The following PRDM7 variants were observed in gnomAD, a reference collection of about 807,000 sequenced individuals.
PRDM7 encodes PR/SET domain 7, also known as histone-lysine N-methyltransferase PRDM7.
A neutral mutation model predicts 64.3 loss-of-function variants in PRDM7; 52 were observed. The ratio of observed to expected loss-of-function variants is 0.81; its 90% CI spans 0.65 to 1.02. The LOEUF (loss-of-function observed/expected upper bound fraction) is 1.02, where lower values mean the gene tolerates loss of function less well. Among genes scored for constraint, PRDM7 ranks in the 50% least tolerant of loss-of-function variants. PRDM7 has a pLI of 0.00. For missense variants in PRDM7, 574 were observed against 597.1 expected (o/e 0.96, Z 0.40); for synonymous variants, 192 against 210.1 (o/e 0.91, Z 0.74).
rs912565642 is a variant in PRDM7 at position 90,056,920 on chromosome 16, C to G, written c.*1369G>C. 5 of 152,254 alleles carry G rather than the reference C, an allele frequency of 3.3e-5. No homozygotes were observed. The highest frequency in any genetic ancestry group is 7.3e-5 in the Non-Finnish European group (5 of 68,078). 9.4% of individuals were successfully genotyped at this position (152,254 alleles called of 1,614,324 possible). A position where few individuals can be genotyped will look rare whatever the true frequency, so the allele number is the denominator to read the frequency against. On this transcript the variant is annotated 3_prime_UTR_variant, in exon 11 of 11. Coordinates refer to ENST00000449207, the MANE Select transcript of PRDM7 (RefSeq NM_001098173.2). ...GGTTTCAGGTCTGGTTCCTAGGCGC[C>G]AGGCTACCTGCCTTTAGTTTTGCTT...
At chr16:90,063,556 C>T in intron 6 of PRDM7, 56 bp downstream of exon 6, 14 of 1,593,640 alleles carry the variant, frequency 8.8e-6, no homozygotes, top group South Asian at 1.1e-5. Context: ...AGACCATACT[C>T]ACCAACCTTT....
Position 90,063,726 on chromosome 16 carries a change from C to T in PRDM7, c.394G>A (p.Glu132Lys). 1 of 1,614,236 alleles carries T rather than the reference C, an allele frequency of 6.2e-7. No homozygotes were observed. Among genetic ancestry groups the T allele is most frequent in the Non-Finnish European group, 8.5e-7 (1 of 1,180,040 alleles). ...ASFNNESSLR[E>K]LSGTPNLLNT... Reference sequence around the variant, plus strand: ...AGTAAATTTGGCGTTCCTGACAATTCTCTCAAACTAGATTCATTATTGAAT... The same window carrying T: ...AGTAAATTTGGCGTTCCTGACAATTTTCTCAAACTAGATTCATTATTGAAT... The change falls in exon 6 of 11, where the codon GAA (glutamate) becomes AAA (lysine). Residue 132 changes from glutamate to lysine, a missense_variant. Physicochemically the swap from Glu to Lys is moderately conservative, Grantham distance 56. Transcript: ENST00000449207.
intron 6 of PRDM7, 70 bp downstream of exon 6, chr16:90,063,542 A>G (rs1237932324): frequency 1.3e-6 from 2 of 1,554,122 alleles, no homozygotes; most frequent in African/African-American, 2.7e-5. Flanking sequence ...CACCCCACAT[A>G]GGTAGACCAT....
intron 8 of PRDM7, 26 bp downstream of exon 8, chr16:90,061,895 C>T (rs775368928): frequency 1.2e-6 from 2 of 1,614,114 alleles, no homozygotes; most frequent in Non-Finnish European, 1.7e-6. Context: ...GAAGACAGAA[C>T]AGGGGAAACA....
rs537705565 is a variant in PRDM7 at position 90,057,367 on chromosome 16, C to G, written c.*922G>C. The G allele has an allele frequency of 6.4e-6, 1 of 156,184 alleles. No homozygotes were observed. Among genetic ancestry groups the G allele is most frequent in the East Asian group, 1.9e-4 (1 of 5,274 alleles). The allele number at this position is 156,184 out of a possible 1,614,324, so 9.7% of individuals were successfully genotyped here. On this transcript the variant is annotated 3_prime_UTR_variant, in exon 11 of 11. Coordinates refer to ENST00000449207, the MANE Select transcript of PRDM7 (RefSeq NM_001098173.2). ...CATTTCTCTTCCTGGACTTGGGAAT[C>G]GATTCTCCAATAATTAAACCAGATG...
At chr16:90,068,988 A>G (rs1217676817) in intron 4 of PRDM7, among the ~76,000 whole-genome samples, 1 of 151,320 alleles carries the variant, frequency 6.6e-6, no homozygotes, top group Non-Finnish European at 1.5e-5. Context: ...CAATGCTATT[A>G]TTTTCAGAAA....
intron 8 of PRDM7, 51 bp from the exon 9 acceptor site, chr16:90,061,570 G>T (rs1597683290): frequency 1.3e-6 from 2 of 1,537,166 alleles, no homozygotes; most frequent in Non-Finnish European, 1.8e-6. Context: ...AAAATCCGAA[G>T]AATTATTTTA....
chr16:90,064,623 A>G (rs1334054173), intron 5 of PRDM7, among the ~76,000 whole-genome samples: 1 of 143,674 alleles, frequency 7.0e-6, no homozygotes, highest in Non-Finnish European at 1.5e-5. Flanking sequence ...TAGTTTGGCC[A>G]GGCTGGTCTA....
rs2037710541 is a variant in PRDM7, at chr16:90,058,093, C to T, written c.*196G>A. On this transcript the variant is annotated 3_prime_UTR_variant, in exon 11 of 11. Coordinates refer to ENST00000449207, the MANE Select transcript of PRDM7 (RefSeq NM_001098173.2). ...TGACTTATCACTGAAACCTTGCCCA[C>T]ACTCTCCATATTTGACTTTCGCAAT... 1.2e-6 allele frequency: 2 copies of T among 1,613,956 alleles called. No individual in the cohort carries two copies. The highest frequency in any genetic ancestry group is 2.7e-5 in the African/African-American group (2 of 75,052).
chr16:90,075,384 C>T lies in PRDM7; in HGVS notation c.160G>A (p.Val54Met). ...GDWEKTRYRN[V>M]KMNYNALITV... ...ATCAGTGCATTATAGTTCATTTTCA[C>T]ATTCCTATAGCGAGTTTTCTCCCAG... Residue 54 changes from valine (V) to methionine (M), a missense_variant, in exon 3 of 11, where the codon GTG becomes ATG. Transcript: ENST00000449207. This position sits in a 1 kb window ranked among gnomAD's most constrained non-coding sequence, Gnocchi z 4.3. 1 of 1,614,242 alleles carries T rather than the reference C, an allele frequency of 6.2e-7. No homozygotes were observed. Among genetic ancestry groups the T allele is most frequent in the Non-Finnish European group, 8.5e-7 (1 of 1,180,048 alleles).
At chr16:90,063,261 C>T (rs533083957) in intron 6 of PRDM7, among the ~76,000 whole-genome samples, 5 of 152,258 alleles carry the variant, frequency 3.3e-5, no homozygotes, top group South Asian at 2.1e-4. Context: ...GCCTGGTCAA[C>T]ATGGTGAAAC....
rs2038031753 is a variant in PRDM7 at position 90,075,993 on chromosome 16, C to T, written c.-83G>A. ...AGTCTCCCAGCTCCTAGGCCAAAGG[C>T]TCCTGTGGAAGGAGAAGGTGCTGAG... On this transcript the variant is annotated splice_region_variant and 5_prime_UTR_variant, in exon 2 of 11. Coordinates refer to ENST00000449207, the MANE Select transcript of PRDM7 (RefSeq NM_001098173.2). The surrounding 1 kb of genome is among the most constrained non-coding windows in gnomAD (Gnocchi z 4.3). 1 of 1,484,016 alleles carries T rather than the reference C, an allele frequency of 6.7e-7. No individual in the cohort carries two copies. Among genetic ancestry groups the T allele is most frequent in the South Asian group, 1.2e-5 (1 of 83,942 alleles). 91.9% of individuals were successfully genotyped at this position (1,484,016 alleles called of 1,614,324 possible). A position where few individuals can be genotyped will look rare whatever the true frequency, so the allele number is the denominator to read the frequency against.
At chr16:90,073,386 T>TA (rs1430992943) in intron 4 of PRDM7, among the ~76,000 whole-genome samples, 3 of 151,916 alleles carry the variant, frequency 2.0e-5, no homozygotes, top group African/African-American at 4.8e-5. Context: ...TTCTTTTTTT[T>TA]AAAAAAAGAA....
rs750995400 is a variant in PRDM7, at chr16:90,060,385, A to C, written c.1189T>G (p.Ser397Ala). ...TTTCTTCCACTTGCTGCCCCACTTG[A>C]TGCCCAGTTCCTGGCCATACTCATC... ...MGMSMARNWA[S>A]SGAASGRKSS... is the part of the protein sequence containing the mutation. Residue 397 changes from serine (S) to alanine (A), a missense_variant, in exon 10 of 11, where the codon TCA (serine) becomes GCA (alanine). Ser to Ala is a moderately conservative substitution (Grantham distance 99, BLOSUM62 1). Coordinates refer to ENST00000449207, the MANE Select transcript of PRDM7 (RefSeq NM_001098173.2). 6.2e-7 allele frequency: 1 copy of C among 1,613,788 alleles called. No homozygotes were observed. The highest frequency in any genetic ancestry group is 8.5e-7 in the Non-Finnish European group (1 of 1,179,850).
In PRDM7 at chr16:90,065,544, G is replaced by C. The variant is rs573113567; in HGVS notation, c.351+1317C>G. Among the ~76,000 whole-genome samples, 3 of 151,168 alleles carry C rather than the reference G, an allele frequency of 2.0e-5. No individual in the cohort carries two copies. In the East Asian group the frequency reaches 5.8e-4, roughly 29 times the overall value. On this transcript the variant is annotated intron_variant, in intron 5 of 10. Transcript: ENST00000449207. Reference sequence around the variant, plus strand: ...GAGCCCAGGAGTTCAAGACCAGCCTGAGCTACACGGCAAAACCCTGCCTGT... The same window carrying C: ...GAGCCCAGGAGTTCAAGACCAGCCTCAGCTACACGGCAAAACCCTGCCTGT...
intron 5 of PRDM7, among the ~76,000 whole-genome samples, chr16:90,064,781 C>T (rs2037844353): frequency 6.7e-6 from 1 of 148,260 alleles, no homozygotes; most frequent in Non-Finnish European, 1.5e-5. Context: ...TGCAGTGGCA[C>T]GATCTCAGCT....
chr16:90,057,729 G>A lies in PRDM7; in HGVS notation c.*560C>T. ...CTCTTTACACTCTCGGGGAATGTAA[G>A]GGGTTAGCAGACTTTCGCTGAAGCC... On this transcript the variant is annotated 3_prime_UTR_variant, in exon 11 of 11. Transcript: ENST00000449207. The A allele has an allele frequency of 1.6e-6, 2 of 1,248,804 alleles. No homozygotes were observed. The highest frequency in any genetic ancestry group is 2.1e-6 in the Non-Finnish European group (2 of 969,356). The allele number at this position is 1,248,804 out of a possible 1,614,324, so 77.4% of individuals were successfully genotyped here.
rs1401638455 is a variant in PRDM7, at chr16:90,061,862, T to C, written c.882+59A>G. 1.9e-6 allele frequency: 3 copies of C among 1,609,042 alleles called. No homozygotes were observed. The South Asian group carries it at 3.3e-5, about 18-fold the overall frequency. ...CTAACATGTAGAAGGTGATGTCCCATCAAAGGCACAGAAGGGATGTGGGAA... is the reference window on the plus strand; with the variant it reads ...CTAACATGTAGAAGGTGATGTCCCACCAAAGGCACAGAAGGGATGTGGGAA... On this transcript the variant is annotated intron_variant, in intron 8 of 10. Transcript: ENST00000449207.
intron 8 of PRDM7, 45 bp downstream of exon 8, chr16:90,061,876 G>C (rs1166346590): frequency 6.2e-7 from 1 of 1,612,514 alleles, no homozygotes. Context: ...AGGCACAGAA[G>C]GGATGTGGGA....
Sources: gnomAD v4.1 joint callset for allele counts (sites outside exome capture counted in the v4.1 genomes callset) on GRCh38, gnomAD v4.1.1 for gene constraint, Gnocchi (gnomAD v3.1) non-coding constraint, MANE v1.5 for transcripts, NCBI Gene and HGNC (gene_info 2026-07-23, HGNC 2026-07-21) for gene names.